IPO11: variants seen among roughly 807,000 people sequenced by gnomAD.
IPO11 encodes importin-11.
A neutral mutation model predicts 143.2 loss-of-function variants in IPO11; 66 were observed. That is an observed-to-expected ratio of 0.46 (90% CI 0.38 to 0.57). IPO11 has a LOEUF of 0.57. IPO11 is among the 20% of genes least tolerant of loss of function. The pLI is 0.00. For synonymous variants in IPO11, 385 were observed against 377.8 expected, an observed-to-expected ratio of 1.02 and a Z score of -0.22; for missense variants, 1,026 against 1,141.0, an observed-to-expected ratio of 0.90 and a Z score of 1.45.
chr5:62,501,717 C>G (rs1014055142), intron 16 of IPO11, among the ~76,000 whole-genome samples: 1 of 151,990 alleles, frequency 6.6e-6, no homozygotes, highest in Non-Finnish European at 1.5e-5. Context: ...TTTCTTATGC[C>G]TAGCGTGGAG....
chr5:62,439,670 C>T (rs1335854355), intron 2 of IPO11, among the ~76,000 whole-genome samples: 4 of 151,856 alleles, frequency 2.6e-5, no homozygotes, highest in Non-Finnish European at 5.9e-5. Flanking sequence ...GATCCTCCCA[C>T]CTTGGCCTCC....
At chr5:62,528,357 G>A (rs1742433917) in intron 21 of IPO11, among the ~76,000 whole-genome samples, 1 of 152,186 alleles carries the variant, frequency 6.6e-6, no homozygotes, top group South Asian at 2.1e-4. Context: ...ACAGAAATTA[G>A]AATTGGAATA....
At chr5:62,475,526 A>G (rs770835066) in intron 8 of IPO11, among the ~76,000 whole-genome samples, 25 of 152,018 alleles carry the variant, frequency 1.6e-4, no homozygotes, top group Admixed American at 7.2e-4. Flanking sequence ...AAAAAATTCT[A>G]TTTTGTGTTC....
At chr5:62,466,242 G>A (rs1241527529) in intron 5 of IPO11, among the ~76,000 whole-genome samples, 2 of 152,078 alleles carry the variant, frequency 1.3e-5, no homozygotes, top group Non-Finnish European at 2.9e-5. Context: ...AGTTGCCCTG[G>A]GGGATATGGT....
intron 1 of IPO11, among the ~76,000 whole-genome samples, chr5:62,431,956 CATACATA>C (rs1744004351): frequency 6.6e-6 from 1 of 151,720 alleles, no homozygotes; most frequent in Non-Finnish European, 1.5e-5. Context: ...TACATACATA[CATACATA>C]CATACATACG....
chr5:62,506,394 T>G, intron 19 of IPO11, 37 bp downstream of exon 19: 14 of 1,071,638 alleles, frequency 1.3e-5, no homozygotes, highest in Non-Finnish European at 1.7e-5. Context: ...AAATGAGGGG[T>G]GGGTAGAATA....
chr5:62,475,512 GA>G (rs1156641553), intron 8 of IPO11, among the ~76,000 whole-genome samples: 3 of 151,444 alleles, frequency 2.0e-5, no homozygotes, highest in Admixed American at 6.6e-5. Context: ...CCCATCTCAA[GA>G]AAAAAAAATT....
At chr5:62,476,783 A>C (rs755213833) in intron 9 of IPO11, 30 bp downstream of exon 9, 8 of 1,475,696 alleles carry the variant, frequency 5.4e-6, no homozygotes, top group Non-Finnish European at 6.4e-6. Flanking sequence ...GTTTTCTCAA[A>C]TATAATACAC....
rs182881442 is a variant in IPO11 at position 62,569,499 on chromosome 5, G to T, written c.2582+8242G>T. ...TATTGCTCTGCCTGTTCTCTGAGTAGTTGCTCTTATTGTTGATGTTTTTAC... is the reference window on the plus strand; with the variant it reads ...TATTGCTCTGCCTGTTCTCTGAGTATTTGCTCTTATTGTTGATGTTTTTAC... On this transcript the variant is annotated intron_variant, in intron 27 of 29. Coordinates refer to ENST00000325324, the MANE Select transcript of IPO11 (RefSeq NM_016338.5). 3.2e-4 allele frequency among the ~76,000 whole-genome samples: 48 copies of T among 152,286 alleles called. 1 individual carries two copies. The highest frequency in any genetic ancestry group is 8.8e-5 in the Non-Finnish European group (6 of 68,026).
At chr5:62,544,911 G>A (rs1419691162) in intron 24 of IPO11, among the ~76,000 whole-genome samples, 14 of 152,182 alleles carry the variant, frequency 9.2e-5, no homozygotes, top group African/African-American at 3.4e-4. Flanking sequence ...GAGCTCTTCA[G>A]GGAGAACTAC....
At chr5:62,553,502 T>C (rs1257401138) in intron 26 of IPO11, among the ~76,000 whole-genome samples, 1 of 152,204 alleles carries the variant, frequency 6.6e-6, no homozygotes, top group Non-Finnish European at 1.5e-5. Context: ...TGGAGATGTA[T>C]ATATCCAGTA....
intron 20 of IPO11, among the ~76,000 whole-genome samples, chr5:62,518,400 C>T (rs1174675841): frequency 6.6e-5 from 10 of 151,548 alleles, no homozygotes; most frequent in East Asian, 1.9e-4. Flanking sequence ...GCTGAGATCG[C>T]GCCACTGTAC....
At chr5:62,501,370 T>C (rs1171767617) in intron 16 of IPO11, among the ~76,000 whole-genome samples, 1 of 152,186 alleles carries the variant, frequency 6.6e-6, no homozygotes, top group Non-Finnish European at 1.5e-5. Flanking sequence ...AAATATAAAA[T>C]AATCTGTGTT....
At chr5:62,443,942 C>G (rs938619790) in intron 3 of IPO11, among the ~76,000 whole-genome samples, 5 of 152,078 alleles carry the variant, frequency 3.3e-5, no homozygotes, top group African/African-American at 1.2e-4. Flanking sequence ...CACTATAGCT[C>G]TCTAAATTCT....
At chr5:62,474,190 T>C (rs547961587) in intron 7 of IPO11, among the ~76,000 whole-genome samples, 2 of 152,208 alleles carry the variant, frequency 1.3e-5, no homozygotes, top group Non-Finnish European at 2.9e-5. Flanking sequence ...CAAAGTGATT[T>C]ATGTAACTAA....
chr5:62,603,308 G>A lies in IPO11; in HGVS notation c.2763+1460G>A, dbSNP rs1381881276. On this transcript the variant is annotated intron_variant, in intron 29 of 29. Coordinates refer to ENST00000325324, the MANE Select transcript of IPO11 (RefSeq NM_016338.5). ...TGAATCAGTGAGTGATGATGGTCGT[G>A]ATGGTGGGTTAAATCAAGGAATAAA... 2.0e-5 allele frequency among the ~76,000 whole-genome samples: 3 copies of A among 152,194 alleles called. No homozygotes were observed. In the South Asian group the frequency reaches 6.2e-4, roughly 31 times the overall value.
At chr5:62,434,030 C>T (rs1744082295) in intron 1 of IPO11, among the ~76,000 whole-genome samples, 1 of 152,114 alleles carries the variant, frequency 6.6e-6, no homozygotes, top group South Asian at 2.1e-4. Context: ...AAAGCCTAGA[C>T]ACCTTATTTT....
At chr5:62,579,362 A>C in intron 27 of IPO11, 1 of 1,336,338 alleles carries the variant, frequency 7.5e-7, no homozygotes, top group Non-Finnish European at 1.0e-6. Context: ...CATTTGATGA[A>C]GTTTTCGTGA....
In IPO11 at chr5:62,494,000, A is replaced by G; in HGVS notation, c.1466A>G (p.Tyr489Cys). The G allele has an allele frequency of 1.9e-6, 3 of 1,612,196 alleles. No homozygotes were observed. Among genetic ancestry groups the G allele is most frequent in the East Asian group, 2.2e-5 (1 of 44,812 alleles). ...TTTCATGATTTTTTCCTGTTTAGGT[A>G]TAAGCCATTGCGACGCAGGGTGATT... is the stretch of plus-strand genomic sequence containing the variant. The part of the protein sequence containing the change: ...LPELQVIHNR[Y>C]KPLRRRVIWL... The change falls in exon 16 of 30, where the codon TAT becomes TGT. Residue 489 changes from tyrosine (Y) to cysteine (C), a missense_variant and splice_region_variant. Around this residue, in one of 5 missense-constraint regions of IPO11, gnomAD observed 237 missense variants for 288.0 expected, o/e 0.82. Transcript: ENST00000325324.
Sources: allele counts gnomAD v4.1 joint callset (sites outside exome capture counted in the v4.1 genomes callset), GRCh38; gene constraint gnomAD v4.1.1; regional missense constraint gnomAD v4.1.1; transcripts MANE v1.5; gene names NCBI Gene and HGNC (gene_info 2026-07-23, HGNC 2026-07-21).